The following MECOM variants were observed in gnomAD, a reference collection of about 807,000 sequenced individuals.
MECOM encodes histone-lysine N-methyltransferase MECOM.
In MECOM, 13 loss-of-function variants were observed where a neutral mutation model predicts 116.3. That is an observed-to-expected ratio of 0.11 (90% CI 0.07 to 0.18). The LOEUF is 0.18. Ranked by LOEUF, MECOM falls within the 10% of genes least tolerant of loss-of-function variation. The probability of loss-of-function intolerance (pLI) is 1.00; values close to 1 mark genes in which losing one functional copy is unlikely to be tolerated. For synonymous variants in MECOM, 528 were observed against 535.2 expected (o/e 0.99, Z 0.19); for missense variants, 1,299 against 1,509.0 (o/e 0.86, Z 2.31).
intron 2 of MECOM, among the ~76,000 whole-genome samples, chr3:169,279,606 G>A (rs577340527): frequency 1.3e-5 from 2 of 152,138 alleles, no homozygotes; most frequent in South Asian, 2.1e-4. Context: ...TATTTTACAC[G>A]TTTGTGCATG....
chr3:169,136,849 C>T (rs570325838), intron 3 of MECOM, among the ~76,000 whole-genome samples: 5 of 152,146 alleles, frequency 3.3e-5, no homozygotes, highest in South Asian at 2.1e-4. Context: ...TATGAATCCC[C>T]GTTTATTTTT....
intron 2 of MECOM, chr3:169,146,203 A>AG (rs1215211992): frequency 1.0e-6 from 1 of 953,896 alleles, no homozygotes; most frequent in Non-Finnish European, 1.3e-6. Context: ...CAACAGCAAA[A>AG]GGAAAAAAAA....
intron 1 of MECOM, among the ~76,000 whole-genome samples, chr3:169,630,935 C>T (rs1772005870): frequency 6.6e-6 from 1 of 152,206 alleles, no homozygotes; most frequent in Admixed American, 6.5e-5. Context: ...CAAATTCATT[C>T]TCATGAGACT....
intron 1 of MECOM, among the ~76,000 whole-genome samples, chr3:169,498,822 T>C (rs1406036831): frequency 6.6e-6 from 1 of 152,170 alleles, no homozygotes; most frequent in Non-Finnish European, 1.5e-5. Context: ...TAAATAATGA[T>C]GTTTACAATT....
chr3:169,271,804 A>T (rs1758973300), intron 2 of MECOM, among the ~76,000 whole-genome samples: 1 of 152,174 alleles, frequency 6.6e-6, no homozygotes, highest in East Asian at 1.9e-4. Flanking sequence ...TTAAAACCAG[A>T]TATTTATTAC....
intron 1 of MECOM, chr3:169,484,034 T>C (rs981187054): frequency 1.3e-5 from 18 of 1,410,602 alleles, no homozygotes; most frequent in Admixed American, 3.5e-5. Context: ...ACCATTGTTT[T>C]ATATAACTAA....
chr3:169,194,547 C>T (rs2065879819), intron 2 of MECOM, among the ~76,000 whole-genome samples: 1 of 151,976 alleles, frequency 6.6e-6, no homozygotes, highest in South Asian at 2.1e-4. Flanking sequence ...ACAACAATAA[C>T]AATCATATAG....
At chr3:169,333,294 AC>A (rs1307127528) in intron 2 of MECOM, among the ~76,000 whole-genome samples, 5 of 152,192 alleles carry the variant, frequency 3.3e-5, no homozygotes, top group Admixed American at 6.5e-5. Flanking sequence ...CATCAACTGC[AC>A]CATGTCAAAG....
At chr3:169,347,249 T>A (rs1357192396) in intron 2 of MECOM, among the ~76,000 whole-genome samples, 2 of 152,044 alleles carry the variant, frequency 1.3e-5, no homozygotes, top group Non-Finnish European at 2.9e-5. Flanking sequence ...GGGCAGTTAG[T>A]GGATGGAGAC....
At chr3:169,584,916 A>G (rs1431870495) in intron 1 of MECOM, among the ~76,000 whole-genome samples, 2 of 152,374 alleles carry the variant, frequency 1.3e-5, no homozygotes, top group Admixed American at 6.5e-5. Flanking sequence ...AAAAGACAAT[A>G]TAAATTCTAG....
At chr3:169,402,919 G>A (rs893208288) in intron 1 of MECOM, among the ~76,000 whole-genome samples, 1 of 152,062 alleles carries the variant, frequency 6.6e-6, no homozygotes, top group Non-Finnish European at 1.5e-5. Flanking sequence ...CTCAGGAAAG[G>A]CTCCAAAACC....
At chr3:169,370,766 G>A (rs942650547) in intron 2 of MECOM, among the ~76,000 whole-genome samples, 2 of 151,796 alleles carry the variant, frequency 1.3e-5, no homozygotes, top group African/African-American at 2.4e-5. Context: ...ATACAATAGC[G>A]ATCAAGTATA....
intron 2 of MECOM, among the ~76,000 whole-genome samples, chr3:169,365,868 A>T (rs1207405100): frequency 6.6e-6 from 1 of 152,042 alleles, no homozygotes; most frequent in African/African-American, 2.4e-5. Context: ...GGTCTGTGAC[A>T]AAGGAAAACT....
intron 7 of MECOM, among the ~76,000 whole-genome samples, chr3:169,118,566 T>C (rs920959472): frequency 3.9e-5 from 6 of 152,300 alleles, no homozygotes; most frequent in East Asian, 3.9e-4. Context: ...CAATATTTTA[T>C]TATTGGAATT....
intron 10 of MECOM, among the ~76,000 whole-genome samples, chr3:169,103,768 T>C (rs941682130): frequency 2.6e-5 from 4 of 152,174 alleles, no homozygotes; most frequent in African/African-American, 2.4e-5. Context: ...ATCAGCTTCT[T>C]AAAGTAGAGC....
intron 2 of MECOM, among the ~76,000 whole-genome samples, chr3:169,264,081 G>A (rs541469746): frequency 6.6e-6 from 1 of 152,292 alleles, no homozygotes; most frequent in South Asian, 2.1e-4. Context: ...GGTTCAGGAT[G>A]TATGTCCTTA....
chr3:169,106,067 A>C (rs1256767759), intron 10 of MECOM, among the ~76,000 whole-genome samples: 1 of 152,180 alleles, frequency 6.6e-6, no homozygotes, highest in Non-Finnish European at 1.5e-5. Context: ...ATGTGACCTA[A>C]TGTTTTACAA....
At chr3:169,510,282 T>C (rs2109022671) in intron 1 of MECOM, among the ~76,000 whole-genome samples, 1 of 152,278 alleles carries the variant, frequency 6.6e-6, no homozygotes, top group South Asian at 2.1e-4. Context: ...CCCCCTTATT[T>C]CCTGTTTCTA....
intron 1 of MECOM, among the ~76,000 whole-genome samples, chr3:169,440,741 C>A (rs1743502914): frequency 6.6e-6 from 1 of 152,142 alleles, no homozygotes; most frequent in Admixed American, 6.5e-5. Flanking sequence ...GAAACAACTT[C>A]TCTTTCCCCT....
Sources: gnomAD v4.1 joint callset for allele counts (sites outside exome capture counted in the v4.1 genomes callset) on GRCh38, gnomAD v4.1.1 for gene constraint, MANE v1.5 for transcripts, NCBI Gene and HGNC (gene_info 2026-07-23, HGNC 2026-07-21) for gene names.